The following GTF2B variants were observed in gnomAD, a reference collection of about 807,000 sequenced individuals.
GTF2B encodes transcription initiation factor IIB.
A neutral mutation model predicts 34.6 loss-of-function variants in GTF2B; 20 were observed. That is an observed-to-expected ratio of 0.58 (90% CI 0.41 to 0.84). The LOEUF is 0.84. Ranked by LOEUF, GTF2B falls within the 40% of genes least tolerant of loss-of-function variation. The pLI, the probability that GTF2B is intolerant of heterozygous loss-of-function variation, is 0.00. For missense variants in GTF2B, 237 were observed against 393.3 expected (o/e 0.60, Z 3.36); for synonymous variants, 142 against 132.4 (o/e 1.07, Z -0.50).
At chr1:88,890,498 T>G (rs1485645543) in intron 1 of GTF2B, among the ~76,000 whole-genome samples, 1 of 152,192 alleles carries the variant, frequency 6.6e-6, no homozygotes, top group Admixed American at 6.5e-5. Flanking sequence ...AGAAAAATAG[T>G]GCCAGAGTTC....
intron 2 of GTF2B, among the ~76,000 whole-genome samples, chr1:88,871,960 T>C (rs1200253360): frequency 2.6e-5 from 4 of 151,974 alleles, no homozygotes; most frequent in Non-Finnish European, 5.9e-5. Flanking sequence ...CTCGAACTCC[T>C]GACCTCAGGT....
chr1:88,870,757 CTG>C (rs1673673337), intron 2 of GTF2B, among the ~76,000 whole-genome samples: 1 of 152,136 alleles, frequency 6.6e-6, no homozygotes, highest in Admixed American at 6.5e-5. Flanking sequence ...TGATTTTAAA[CTG>C]AAACATTTCA....
intron 2 of GTF2B, among the ~76,000 whole-genome samples, chr1:88,882,189 A>G (rs1020825163): frequency 1.3e-5 from 2 of 151,856 alleles, no homozygotes; most frequent in Non-Finnish European, 1.5e-5. Flanking sequence ...GCATGCCTGT[A>G]ATCCCAGGTA....
chr1:88,891,072 G>A (rs1243657165), intron 1 of GTF2B, among the ~76,000 whole-genome samples: 1 of 121,644 alleles, frequency 8.2e-6, no homozygotes, highest in Non-Finnish European at 1.6e-5. Flanking sequence ...TTGAAAAGGA[G>A]AAATTACGGA....
chr1:88,872,023 G>A (rs1162023017), intron 2 of GTF2B, among the ~76,000 whole-genome samples: 1 of 152,116 alleles, frequency 6.6e-6, no homozygotes, highest in African/African-American at 2.4e-5. Flanking sequence ...ATGAGCAATT[G>A]CGTCCAGCCC....
chr1:88,878,192 C>T (rs980330795), intron 2 of GTF2B, among the ~76,000 whole-genome samples: 3 of 151,938 alleles, frequency 2.0e-5, no homozygotes, highest in Non-Finnish European at 4.4e-5. Context: ...ATCGCTTGAA[C>T]GAACCAGGGA....
chr1:88,868,906 T>A (rs1673624564), intron 2 of GTF2B, among the ~76,000 whole-genome samples: 1 of 152,050 alleles, frequency 6.6e-6, no homozygotes, highest in Non-Finnish European at 1.5e-5. Flanking sequence ...TGACTAATTT[T>A]TTTGTACTTT....
intron 5 of GTF2B, among the ~76,000 whole-genome samples, chr1:88,858,365 T>C (rs187844458): frequency 6.6e-6 from 1 of 152,342 alleles, no homozygotes; most frequent in Non-Finnish European, 1.5e-5. Flanking sequence ...CTAAATTTCT[T>C]TAAATGAAAA....
intron 5 of GTF2B, chr1:88,858,910 C>G (rs1003852074): frequency 1.3e-5 from 2 of 151,446 alleles, no homozygotes; most frequent in African/African-American, 4.9e-5. Flanking sequence ...CTCTGTCGCC[C>G]AGGCTGGAGT....
intron 5 of GTF2B, 108 bp downstream of exon 5, chr1:88,859,774 T>G (rs1673393825): frequency 7.9e-6 from 7 of 882,914 alleles, no homozygotes; most frequent in Admixed American, 2.1e-5. Flanking sequence ...AGGCAGAGGT[T>G]GCAGTGAGTC....
intron 1 of GTF2B, chr1:88,887,906 T>C (rs937886949): frequency 6.6e-6 from 1 of 152,338 alleles, no homozygotes; most frequent in African/African-American, 2.4e-5. Flanking sequence ...TAGTCCAGAA[T>C]TGAGTTATTG....
At chr1:88,869,968 C>T (rs1673651392) in intron 2 of GTF2B, among the ~76,000 whole-genome samples, 1 of 150,340 alleles carries the variant, frequency 6.7e-6, no homozygotes, top group African/African-American at 2.5e-5. Flanking sequence ...CGCCCTGTCA[C>T]CCAGGCTGGA....
intron 2 of GTF2B, among the ~76,000 whole-genome samples, chr1:88,874,750 T>C (rs866763850): frequency 2.9e-4 from 44 of 152,256 alleles, no homozygotes; most frequent in African/African-American, 1.0e-3. Context: ...CAACCTGTAG[T>C]AGAGAATTCA....
At chr1:88,865,482 G>C (rs1380740864) in intron 2 of GTF2B, among the ~76,000 whole-genome samples, 5 of 152,226 alleles carry the variant, frequency 3.3e-5, no homozygotes, top group African/African-American at 1.2e-4. Flanking sequence ...AGCACTTTGG[G>C]AGGCCGAGGC....
chr1:88,879,348 G>A (rs1382836011), intron 2 of GTF2B, among the ~76,000 whole-genome samples: 1 of 152,084 alleles, frequency 6.6e-6, no homozygotes, highest in Non-Finnish European at 1.5e-5. Context: ...GGAAGCCGAG[G>A]TGGGCAGACC....
Position 88,853,113 on chromosome 1 carries a change from T to C in GTF2B, c.*100A>G. The C allele has an allele frequency of 9.3e-7, 1 of 1,071,290 alleles. No individual in the cohort carries two copies. Among genetic ancestry groups the C allele is most frequent in the South Asian group, 1.3e-5 (1 of 79,648 alleles). 66.4% of individuals were successfully genotyped at this position (1,071,290 alleles called of 1,614,324 possible). ...TCAGCCCTGGAATGCGTACCATGTC[T>C]TTTGTTTTTCCTCATGAAAGGCTCA... On this transcript the variant is annotated 3_prime_UTR_variant, in exon 7 of 7. Transcript: ENST00000370500.
intron 1 of GTF2B, among the ~76,000 whole-genome samples, chr1:88,890,625 A>G (rs1231042830): frequency 6.6e-6 from 1 of 152,190 alleles, no homozygotes; most frequent in Non-Finnish European, 1.5e-5. Flanking sequence ...ACTCTTGGAA[A>G]AGTCAACATT....
intron 2 of GTF2B, among the ~76,000 whole-genome samples, chr1:88,886,942 G>A (rs886302026): frequency 2.6e-5 from 4 of 151,052 alleles, no homozygotes; most frequent in African/African-American, 7.3e-5. Flanking sequence ...TTTTTGAGAC[G>A]GAGTCTTGCT....
intron 6 of GTF2B, among the ~76,000 whole-genome samples, 156 bp downstream of exon 6, chr1:88,857,050 C>T (rs1011185740): frequency 8.5e-5 from 13 of 152,162 alleles, no homozygotes; most frequent in South Asian, 6.2e-4. Flanking sequence ...ATCCTCCCGC[C>T]TCGGCCTTCC....
Sources: allele counts gnomAD v4.1 joint callset (sites outside exome capture counted in the v4.1 genomes callset), GRCh38; gene constraint gnomAD v4.1.1; transcripts MANE v1.5; gene names NCBI Gene and HGNC (gene_info 2026-07-23, HGNC 2026-07-21).